AGMO: variants seen among roughly 807,000 people sequenced by gnomAD.
The protein encoded by AGMO is glyceryl-ether monooxygenase.
Under a neutral mutation model 60.2 loss-of-function variants are expected in AGMO, and 75 were observed. The ratio of observed to expected loss-of-function variants is 1.25; its 90% CI spans 1.03 to 1.51. AGMO has a LOEUF of 1.51. Ranked by LOEUF, AGMO falls within the 40% of genes most tolerant of loss-of-function variation. The pLI is 0.00. For missense variants in AGMO, 763 were observed against 525.5 expected (o/e 1.45, Z -4.42); for synonymous variants, 261 against 177.1 (o/e 1.47, Z -3.76).
At chr7:15,359,883 C>A (rs1490375618) in intron 12 of AGMO, among the ~76,000 whole-genome samples, 2 of 152,174 alleles carry the variant, frequency 1.3e-5, no homozygotes, top group Non-Finnish European at 2.9e-5. Context: ...ACTATAAATT[C>A]ATGTTCCAAA....
At chr7:15,459,311 C>T (rs1391680967) in intron 3 of AGMO, among the ~76,000 whole-genome samples, 1 of 152,050 alleles carries the variant, frequency 6.6e-6, no homozygotes, top group African/African-American at 2.4e-5. Context: ...TAAAAGGGTT[C>T]GTTTATGCAA....
chr7:15,189,775 A>C, the AGMO span, among the ~76,000 whole-genome samples: 1 of 151,572 alleles, frequency 6.6e-6, no homozygotes, highest in Non-Finnish European at 1.5e-5. Flanking sequence ...ACAATAGAAA[A>C]AGCTATTTCT....
chr7:15,476,558 A>T (rs776779435), intron 3 of AGMO, among the ~76,000 whole-genome samples: 5 of 152,058 alleles, frequency 3.3e-5, no homozygotes, highest in Non-Finnish European at 4.4e-5. Flanking sequence ...AGAAAAATAC[A>T]ATCTGGGTTT....
the AGMO span, among the ~76,000 whole-genome samples, chr7:15,171,217 G>A: frequency 3.9e-5 from 6 of 152,186 alleles, no homozygotes; most frequent in South Asian, 2.1e-4. Context: ...TCCTGACCTC[G>A]TGATCCACCT....
rs1491080164 is a variant in AGMO at position 15,354,418 on chromosome 7, GTA to G, written c.1263+11094_1263+11095del. ...TACACGTGTGTGTACACACGTGTGTGTATACACACACGTGTGTGTATACACAC... is the reference window on the plus strand; with the variant it reads ...TACACGTGTGTGTACACACGTGTGTGTACACACACGTGTGTGTATACACAC... On this transcript the variant is annotated intron_variant, in intron 12 of 12. Coordinates refer to ENST00000342526, the MANE Select transcript of AGMO (RefSeq NM_001004320.2). 6.2e-3 allele frequency among the ~76,000 whole-genome samples: 154 copies of G among 24,888 alleles called. 11 individuals carry two copies. In the East Asian group the frequency reaches 0.2, roughly 32 times the overall value. 16.3% of individuals were successfully genotyped at this position (24,888 alleles called of 152,430 possible). A position where few individuals can be genotyped will look rare whatever the true frequency, so the allele number is the denominator to read the frequency against.
At chr7:15,203,727 T>C (rs535658346) in intron 12 of AGMO, among the ~76,000 whole-genome samples, 3 of 152,246 alleles carry the variant, frequency 2.0e-5, no homozygotes, top group Non-Finnish European at 4.4e-5. Context: ...AGTGAGACAG[T>C]AGGAACTCAA....
chr7:15,161,508 T>C, the AGMO span, among the ~76,000 whole-genome samples: 1 of 151,704 alleles, frequency 6.6e-6, no homozygotes, highest in African/African-American at 2.4e-5. Flanking sequence ...ACATATGTCA[T>C]ATATGTATTA....
chr7:15,372,890 T>C (rs1783275690), intron 10 of AGMO, among the ~76,000 whole-genome samples: 1 of 152,188 alleles, frequency 6.6e-6, no homozygotes, highest in African/African-American at 2.4e-5. Context: ...CGGTTCTTAA[T>C]CACAGAAAGC....
rs149533765 is a variant in AGMO, at chr7:15,387,372, C to G, written c.957+34G>C. The stretch of plus-strand genomic sequence containing the variant: ...TGTAGACCTGACAATATGAGACAAT[C>G]TTCACCATCTCCAATTCTGTGAACT... On this transcript the variant is annotated intron_variant, in intron 9 of 12. Coordinates refer to ENST00000342526, the MANE Select transcript of AGMO (RefSeq NM_001004320.2). 6.9e-4 allele frequency: 1,112 copies of G among 1,603,626 alleles called. 10 individuals carry two copies. In the East Asian group the frequency reaches 0.019, roughly 28 times the overall value.
At chr7:15,398,241 T>A (rs915528292) in intron 5 of AGMO, among the ~76,000 whole-genome samples, 2 of 152,146 alleles carry the variant, frequency 1.3e-5, no homozygotes, top group African/African-American at 4.8e-5. Flanking sequence ...GGTGAGTGCA[T>A]GCAGATGATT....
chr7:15,220,990 G>A (rs1455930698), intron 12 of AGMO, among the ~76,000 whole-genome samples: 2 of 152,146 alleles, frequency 1.3e-5, no homozygotes, highest in African/African-American at 2.4e-5. Flanking sequence ...ATTCAAGAAA[G>A]TTGGAAGACT....
intron 10 of AGMO, among the ~76,000 whole-genome samples, chr7:15,383,132 A>G (rs919289996): frequency 4.6e-5 from 7 of 152,036 alleles, no homozygotes; most frequent in African/African-American, 1.7e-4. Flanking sequence ...TGTACAGATA[A>G]ACTAAGCCAC....
rs1212493704 is a variant in AGMO at position 15,201,333 on chromosome 7, G to A, written c.1290C>T (p.Phe430=). The change falls in exon 13 of 13, where the codon TTC becomes TTT. Residue 430 remains phenylalanine, a synonymous_variant. Coordinates refer to ENST00000342526, the MANE Select transcript of AGMO (RefSeq NM_001004320.2). ...FEIVFSICIA[F]WGVRSMKQLT... ...GTTGTTTCATGCTTCTAACTCCCCA[G>A]AAAGCAATGCAAATGGAAAAAACAA... 5.6e-6 allele frequency: 9 copies of A among 1,611,362 alleles called. No homozygotes were observed. The highest frequency in any genetic ancestry group is 1.3e-5 in the African/African-American group (1 of 74,622).
chr7:15,463,285 T>C (rs565517166), intron 3 of AGMO, among the ~76,000 whole-genome samples: 1 of 152,292 alleles, frequency 6.6e-6, no homozygotes, highest in South Asian at 2.1e-4. Flanking sequence ...AGAATTTTAC[T>C]GGAAGCAGTG....
intron 12 of AGMO, among the ~76,000 whole-genome samples, chr7:15,251,736 G>A (rs561415525): frequency 2.7e-4 from 41 of 152,296 alleles, no homozygotes; most frequent in African/African-American, 9.4e-4. Flanking sequence ...CAGCAGCCAT[G>A]TAGAAGATAA....
At chr7:15,275,885 GAT>G (rs1783772176) in intron 12 of AGMO, among the ~76,000 whole-genome samples, 1 of 151,972 alleles carries the variant, frequency 6.6e-6, no homozygotes, top group East Asian at 1.9e-4. Context: ...CCATTTGTGT[GAT>G]ATGTTTTTTT....
intron 12 of AGMO, among the ~76,000 whole-genome samples, chr7:15,313,291 A>T (rs1253087212): frequency 2.0e-5 from 3 of 152,184 alleles, no homozygotes; most frequent in Non-Finnish European, 1.5e-5. Context: ...ACACGATGCT[A>T]AACATTTTAC....
chr7:15,220,384 C>T (rs984516250), intron 12 of AGMO, among the ~76,000 whole-genome samples: 13 of 149,034 alleles, frequency 8.7e-5, no homozygotes, highest in African/African-American at 3.3e-4. Flanking sequence ...TCATTCCTGG[C>T]TAATTTTTTT....
At chr7:15,377,826 C>A (rs1554263673) in intron 10 of AGMO, among the ~76,000 whole-genome samples, 1 of 151,866 alleles carries the variant, frequency 6.6e-6, no homozygotes, top group Non-Finnish European at 1.5e-5. Flanking sequence ...GGTTATGAGA[C>A]CTTACTTAAA....
Sources: allele counts gnomAD v4.1 joint callset (sites outside exome capture counted in the v4.1 genomes callset), GRCh38; gene constraint gnomAD v4.1.1; transcripts MANE v1.5; gene names NCBI Gene and HGNC (gene_info 2026-07-23, HGNC 2026-07-21).